Variants in CES5A observed in about 807,000 individuals in gnomAD.
The protein encoded by CES5A is carboxylesterase 5.
CES5A carries 67 observed loss-of-function variants against 62.9 expected under a neutral mutation model. The ratio of observed to expected loss-of-function variants is 1.07; its 90% CI spans 0.88 to 1.31. The LOEUF (loss-of-function observed/expected upper bound fraction) is 1.31, where lower values mean the gene tolerates loss of function less well. Ranked by LOEUF, CES5A falls within the 50% of genes most tolerant of loss-of-function variation. CES5A has a pLI of 0.00. For synonymous variants in CES5A, 296 were observed against 280.8 expected (o/e 1.05, Z -0.54); for missense variants, 748 against 708.5 (o/e 1.06, Z -0.63).
chr16:55,856,991 A>C (rs187400032), intron 8 of CES5A, among the ~76,000 whole-genome samples: 5 of 152,336 alleles, frequency 3.3e-5, no homozygotes, highest in Admixed American at 3.3e-4. Context: ...TTATTATGGC[A>C]GCACTGACTG....
rs545399577 is a variant in CES5A, at chr16:55,909,816, C to G, written c.-256+15507G>C. 3.9e-5 allele frequency among the ~76,000 whole-genome samples: 6 copies of G among 152,330 alleles called. No individual in the cohort carries two copies. The East Asian group carries it at 1.2e-3, about 29-fold the overall frequency. ...TCTGCTGGCCTTGGACAAGTTCATT[C>G]CCTTCTCTGGGCTTCATGCCTCCAT... is the stretch of plus-strand genomic sequence containing the variant. On this transcript the variant is annotated intron_variant, in intron 1 of 12. Coordinates refer to the CES5A transcript ENST00000518005.
chr16:55,949,640 A>G (rs767823066), intron 2 of CES5A: 1 of 405,750 alleles, frequency 2.5e-6, no homozygotes, highest in Admixed American at 4.2e-5. Context: ...GTGAGGCAGG[A>G]TAAGAACATC....
At chr16:55,848,574 T>G (rs1166389924) in intron 11 of CES5A, among the ~76,000 whole-genome samples, 1 of 152,222 alleles carries the variant, frequency 6.6e-6, no homozygotes, top group Non-Finnish European at 1.5e-5. Context: ...TTTCTTGTTA[T>G]GAGGGAGGTT....
intron 1 of CES5A, among the ~76,000 whole-genome samples, chr16:55,897,867 A>C (rs1271916764): frequency 6.6e-6 from 1 of 152,258 alleles, no homozygotes; most frequent in African/African-American, 2.4e-5. Context: ...TGGTATATAC[A>C]TATAGTGGAA....
At chr16:55,861,654 C>T (rs1364216028) in intron 6 of CES5A, 138 bp from the exon 7 acceptor site, 67 of 682,008 alleles carry the variant, frequency 9.8e-5, no homozygotes, top group Admixed American at 4.9e-4. Context: ...CCTAGACCCA[C>T]ACCCCTATAA....
At chr16:55,856,521 G>A in intron 8 of CES5A, 76 bp from the exon 9 acceptor site, 2 of 1,404,242 alleles carry the variant, frequency 1.4e-6, no homozygotes, top group East Asian at 2.3e-5. Context: ...GGCCTGGGCA[G>A]CTGACTTTCA....
upstream of CES5A, among the ~76,000 whole-genome samples, chr16:55,928,627 GAAATA>G (rs1358277956): frequency 6.6e-6 from 1 of 152,148 alleles, no homozygotes; most frequent in Middle Eastern, 3.2e-3. Flanking sequence ...TCATTTTTAA[GAAATA>G]AAATAAAATT....
At chr16:55,916,396 T>C (rs2034149279) in intron 1 of CES5A, among the ~76,000 whole-genome samples, 1 of 152,158 alleles carries the variant, frequency 6.6e-6, no homozygotes, top group Non-Finnish European at 1.5e-5. Flanking sequence ...AGAAAGCCTA[T>C]TATCATTTAT....
At chr16:55,929,151 G>A (rs368708979), upstream of CES5A, among the ~76,000 whole-genome samples, 6 of 152,220 alleles carry the variant, frequency 3.9e-5, no homozygotes, top group East Asian at 1.9e-4. Flanking sequence ...AGCGGGTCAC[G>A]TGGGCAATAG....
At chr16:55,918,270 C>T (rs2034167702) in intron 1 of CES5A, among the ~76,000 whole-genome samples, 1 of 152,188 alleles carries the variant, frequency 6.6e-6, no homozygotes, top group Admixed American at 6.5e-5. Flanking sequence ...TATCCCATCA[C>T]CCTCTACATG....
chr16:55,894,105 G>A (rs2033907434), intron 1 of CES5A, among the ~76,000 whole-genome samples: 2 of 152,074 alleles, frequency 1.3e-5, no homozygotes, highest in Admixed American at 1.3e-4. Context: ...TTTTCAAAAT[G>A]TTAGAGAAAG....
chr16:55,869,753 GGGA>G lies in CES5A; in HGVS notation c.418-12_418-10del, dbSNP rs1268418185. 1.8e-5 allele frequency: 29 copies of G among 1,595,692 alleles called. No homozygotes were observed. Among genetic ancestry groups the G allele is most frequent in the Non-Finnish European group, 2.4e-5 (28 of 1,169,216 alleles). ...GGGAACCACACCAAGACCTGAGGAG[GGGA>G]GAAGAGCATCCAGTCAGCCCACCAG... On this transcript the variant is annotated splice_polypyrimidine_tract_variant and intron_variant, in intron 3 of 12. Coordinates refer to ENST00000290567, the MANE Select transcript of CES5A (RefSeq NM_001143685.2).
rs112415977 is a variant in CES5A at position 55,914,098 on chromosome 16, T to C, written c.-256+11225A>G. Among the ~76,000 whole-genome samples the C allele has an allele frequency of 8.0e-3, 1,214 of 152,306 alleles. 16 individuals are homozygous for C. Among genetic ancestry groups the C allele is most frequent in the African/African-American group, 0.024 (981 of 41,560 alleles). ...TGTGAATTTCTAGTAAATTACAATA[T>C]TTAAAAATATAAGTATGTCTCCAGT... On this transcript the variant is annotated intron_variant, in intron 1 of 12. Transcript: ENST00000518005.
At chr16:55,938,368 T>A (rs2034400495) in intron 2 of CES5A, among the ~76,000 whole-genome samples, 1 of 152,098 alleles carries the variant, frequency 6.6e-6, no homozygotes, top group South Asian at 2.1e-4. Context: ...TGGAGAACCA[T>A]GAAATCAGCT....
intron 1 of CES5A, among the ~76,000 whole-genome samples, chr16:55,888,089 T>C (rs928569039): frequency 2.0e-5 from 3 of 152,160 alleles, no homozygotes; most frequent in African/African-American, 7.2e-5. Context: ...ACTTGTAGCT[T>C]ACCTGCTTTT....
In CES5A at chr16:55,943,053, G is replaced by A. The variant is rs375987566; in HGVS notation, c.160+6732C>T. On this transcript the variant is annotated intron_variant, in intron 2 of 13. Transcript: ENST00000521992. ...GCCCAAGAGAACTTCCTGGAGGGAT[G>A]TAAATACTTTGTAGCTTATTTTGGA... is the stretch of plus-strand genomic sequence containing the variant. 2.2e-4 allele frequency among the ~76,000 whole-genome samples: 34 copies of A among 152,288 alleles called. No homozygotes were observed. In the East Asian group the frequency reaches 4.4e-3, roughly 20 times the overall value.
At chr16:55,936,427 C>T (rs1038010341) in intron 2 of CES5A, among the ~76,000 whole-genome samples, 1 of 152,206 alleles carries the variant, frequency 6.6e-6, no homozygotes, top group African/African-American at 2.4e-5. Context: ...CCTCCCACAC[C>T]CTTCTGGCCA....
At chr16:55,938,209 T>TA (rs1263621841) in intron 2 of CES5A, among the ~76,000 whole-genome samples, 2 of 152,094 alleles carry the variant, frequency 1.3e-5, no homozygotes, top group African/African-American at 4.8e-5. Context: ...TTCTAATTAT[T>TA]AAAAATAAAC....
intron 1 of CES5A, among the ~76,000 whole-genome samples, chr16:55,908,981 T>C (rs2034066133): frequency 6.6e-6 from 1 of 152,246 alleles, no homozygotes; most frequent in Admixed American, 6.5e-5. Context: ...AAGGAAGTTG[T>C]TCATATTTTC....
Sources: allele counts gnomAD v4.1 joint callset (sites outside exome capture counted in the v4.1 genomes callset), GRCh38; gene constraint gnomAD v4.1.1; transcripts MANE v1.5; gene names NCBI Gene and HGNC (gene_info 2026-07-23, HGNC 2026-07-21).